NARS2: variants seen among roughly 807,000 people sequenced by gnomAD.
NARS2 encodes asparaginyl-tRNA synthetase 2, mitochondrial, also known as asparaginyl-tRNA synthetase.
In NARS2, 60 loss-of-function variants were observed where a neutral mutation model predicts 62.9. That is an observed-to-expected ratio of 0.95 (90% CI 0.77 to 1.18). The LOEUF (loss-of-function observed/expected upper bound fraction) is 1.18. Ranked by LOEUF, NARS2 falls within the 50% of genes most tolerant of loss-of-function variation. NARS2 has a pLI of 0.00. For missense variants in NARS2, 619 were observed against 576.4 expected (o/e 1.07, Z -0.76); for synonymous variants, 196 against 200.0 (o/e 0.98, Z 0.17).
At chr11:78,484,815 G>A (rs1859504152) in intron 7 of NARS2, among the ~76,000 whole-genome samples, 1 of 152,196 alleles carries the variant, frequency 6.6e-6, no homozygotes, top group South Asian at 2.1e-4. Flanking sequence ...CCACTGCGAA[G>A]ACAGTGTGGC....
chr11:78,491,389 C>A (rs200588237), intron 7 of NARS2, among the ~76,000 whole-genome samples: 1 of 152,018 alleles, frequency 6.6e-6, no homozygotes, highest in Non-Finnish European at 1.5e-5. Context: ...ATTGTGTGGC[C>A]GAATGCCCCT....
chr11:78,440,796 G>A (rs1413555779), intron 13 of NARS2, among the ~76,000 whole-genome samples: 2 of 152,178 alleles, frequency 1.3e-5, no homozygotes, highest in Non-Finnish European at 2.9e-5. Context: ...GCCTCCCAAA[G>A]TGCTGGGATT....
chr11:78,470,499 TACAC>T (rs1306790205), intron 9 of NARS2, among the ~76,000 whole-genome samples: 1 of 152,154 alleles, frequency 6.6e-6, no homozygotes, highest in African/African-American at 2.4e-5. Context: ...ATACATAACA[TACAC>T]ACTCTTTCAC....
At chr11:78,452,328 C>T (rs951966931) in intron 11 of NARS2, among the ~76,000 whole-genome samples, 3 of 151,932 alleles carry the variant, frequency 2.0e-5, no homozygotes, top group Middle Eastern at 6.8e-3. Flanking sequence ...AGGCTGGTCT[C>T]GATCTCTTGA....
intron 6 of NARS2, among the ~76,000 whole-genome samples, chr11:78,513,119 G>A (rs1342968940): frequency 3.3e-5 from 5 of 152,036 alleles, no homozygotes; most frequent in East Asian, 1.9e-4. Context: ...GCATGGTGGC[G>A]GGTGCCTGTA....
rs1020678045 is a variant in NARS2, at chr11:78,513,634, C to T, written c.689+15208G>A. ...CTCTACTAAATATACAAAAATTAGC[C>T]GGGCGTAGTGGTGGGCGCCTGTAAT... On this transcript the variant is annotated intron_variant, in intron 6 of 13. Coordinates refer to ENST00000281038, the MANE Select transcript of NARS2 (RefSeq NM_024678.6). 9.9e-5 allele frequency among the ~76,000 whole-genome samples: 15 copies of T among 151,954 alleles called. No homozygotes were observed. In the East Asian group the frequency reaches 1.9e-3, roughly 20 times the overall value.
rs149859558 is a variant in NARS2, at chr11:78,495,518, C to T, written c.690-2323G>A. 2.0e-4 allele frequency among the ~76,000 whole-genome samples: 30 copies of T among 152,144 alleles called. No individual in the cohort carries two copies. The East Asian group carries it at 5.8e-3, about 29-fold the overall frequency. Reference sequence around the variant, plus strand: ...TGTAACTATCTAAGTTATTTTTCTCCCCCAGCGTTTTCCAGAACAGGAATC... The same window carrying T: ...TGTAACTATCTAAGTTATTTTTCTCTCCCAGCGTTTTCCAGAACAGGAATC... On this transcript the variant is annotated intron_variant, in intron 6 of 13. Transcript: ENST00000281038.
intron 7 of NARS2, among the ~76,000 whole-genome samples, chr11:78,481,299 G>T (rs1859345617): frequency 6.6e-6 from 1 of 152,166 alleles, no homozygotes; most frequent in South Asian, 2.1e-4. Flanking sequence ...AGAACAACAG[G>T]AAGCTAAAGA....
intron 6 of NARS2, 79 bp downstream of exon 6, chr11:78,528,763 T>C: frequency 1.1e-6 from 1 of 910,920 alleles, no homozygotes; most frequent in Non-Finnish European, 1.8e-6. Flanking sequence ...TTTCAACTTT[T>C]AGGTTTGAGC....
chr11:78,461,934 C>T (rs1311420192), intron 11 of NARS2, among the ~76,000 whole-genome samples: 1 of 151,962 alleles, frequency 6.6e-6, no homozygotes, highest in African/African-American at 2.4e-5. Context: ...GCCTGGAAGA[C>T]AGAGCAAGAT....
At chr11:78,538,973 C>T (rs1397290152) in intron 5 of NARS2, among the ~76,000 whole-genome samples, 5 of 104,210 alleles carry the variant, frequency 4.8e-5, no homozygotes, top group Admixed American at 1.5e-4. Flanking sequence ...CCAGCCTGGG[C>T]GACAGAGCGA....
intron 5 of NARS2, among the ~76,000 whole-genome samples, chr11:78,545,139 T>C (rs1855811381): frequency 6.6e-6 from 1 of 152,216 alleles, no homozygotes; most frequent in South Asian, 2.1e-4. Flanking sequence ...TTTCTTTCTT[T>C]TTTATATTAA....
chr11:78,546,878 C>T (rs987889301), intron 5 of NARS2, among the ~76,000 whole-genome samples: 1 of 152,218 alleles, frequency 6.6e-6, no homozygotes, highest in African/African-American at 2.4e-5. Flanking sequence ...TTTTCCTTGT[C>T]AGAAATCTCT....
chr11:78,466,094 A>T, intron 10 of NARS2, 81 bp from the exon 11 acceptor site: 2 of 1,411,350 alleles, frequency 1.4e-6, no homozygotes, highest in Middle Eastern at 3.7e-4. Flanking sequence ...AACCTGCATC[A>T]ATTCTAAGGG....
chr11:78,449,470 T>C (rs892758615), intron 11 of NARS2, among the ~76,000 whole-genome samples: 1 of 151,954 alleles, frequency 6.6e-6, no homozygotes, highest in Admixed American at 6.6e-5. Context: ...CATGGTAGGA[T>C]AGCTACGTTA....
chr11:78,437,506 C>T (rs1234451066), intron 13 of NARS2, among the ~76,000 whole-genome samples: 2 of 152,174 alleles, frequency 1.3e-5, no homozygotes, highest in African/African-American at 4.8e-5. Context: ...CATCCACGCA[C>T]ATTCTTTTCC....
At chr11:78,480,488 C>A (rs1251769232) in intron 7 of NARS2, among the ~76,000 whole-genome samples, 1 of 152,036 alleles carries the variant, frequency 6.6e-6, no homozygotes, top group Non-Finnish European at 1.5e-5. Flanking sequence ...CTCTTGACCT[C>A]AGGTGATCTG....
chr11:78,537,048 C>G (rs1328605970), intron 5 of NARS2, among the ~76,000 whole-genome samples: 3 of 152,124 alleles, frequency 2.0e-5, no homozygotes, highest in African/African-American at 4.8e-5. Flanking sequence ...GAACAAGAGA[C>G]TAGACCATAC....
Position 78,566,134 on chromosome 11 carries a change from TAAAG to T in NARS2, c.507_510del (p.Phe169LeufsTer13), listed in dbSNP as rs1856734077. ...AGAGGGAACTTTTAGGATCTTACCT[TAAAG>T]AAAGAATGAATAGCAGCTGTCGCTT... On this transcript the variant is annotated frameshift_variant, in exon 4 of 14. Transcript: ENST00000281038. LOFTEE classifies it high-confidence loss of function. 1.9e-6 allele frequency: 3 copies of T among 1,604,514 alleles called. No individual in the cohort carries two copies. Among genetic ancestry groups the T allele is most frequent in the South Asian group, 1.1e-5 (1 of 89,174 alleles).
Sources: allele counts gnomAD v4.1 joint callset (sites outside exome capture counted in the v4.1 genomes callset), GRCh38; gene constraint gnomAD v4.1.1; transcripts MANE v1.5; gene names NCBI Gene and HGNC (gene_info 2026-07-23, HGNC 2026-07-21).